Variants in SNX2 observed in about 807,000 individuals in gnomAD.
SNX2 encodes the protein sorting nexin 2.
Under a neutral mutation model 69.9 loss-of-function variants are expected in SNX2, and 25 were observed. The ratio of observed to expected loss-of-function variants is 0.36; its 90% CI spans 0.26 to 0.50. The LOEUF (loss-of-function observed/expected upper bound fraction) is 0.50. SNX2 is among the 20% of genes least tolerant of loss of function. The pLI is 0.97. For missense variants in SNX2, 551 were observed against 613.3 expected (o/e 0.90, Z 1.07); for synonymous variants, 229 against 200.4 (o/e 1.14, Z -1.20).
intron 12 of SNX2, chr5:122,826,704 G>C: frequency 1.1e-6 from 1 of 902,012 alleles, no homozygotes; most frequent in Non-Finnish European, 1.3e-6. Context: ...TGAAGAGTAT[G>C]TACCAGTGTT....
At chr5:122,819,343 C>T (rs1446734829) in intron 11 of SNX2, among the ~76,000 whole-genome samples, 1 of 152,184 alleles carries the variant, frequency 6.6e-6, no homozygotes, top group Admixed American at 6.5e-5. Context: ...TGAAACTACT[C>T]ACCGGACTCT....
chr5:122,801,819 ATAATT>A (rs1024178569), intron 3 of SNX2, 45 bp from the exon 4 acceptor site: 4 of 1,149,996 alleles, frequency 3.5e-6, no homozygotes, highest in South Asian at 1.4e-5. Context: ...TGTCATGACA[ATAATT>A]TAAATTATAA....
At position 122,833,586 on chromosome 5, in the gene SNX2, CAT is replaced by C. The variant is rs1754343945; in HGVS notation, c.*3939_*3940del. 1 of 152,186 alleles carries C rather than the reference CAT, an allele frequency of 6.6e-6. No homozygotes were observed. The highest frequency in any genetic ancestry group is 1.5e-5 in the Non-Finnish European group (1 of 68,028). 9.4% of individuals were successfully genotyped at this position (152,186 alleles called of 1,614,324 possible). A position where few individuals can be genotyped will look rare whatever the true frequency, so the allele number is the denominator to read the frequency against. ...CCGGCTACAATTTGATCAGTTGTCA[CAT>C]GTGGATGACTAGTGGCTATGATAAT... On this transcript the variant is annotated 3_prime_UTR_variant, in exon 15 of 15. Coordinates refer to ENST00000379516, the MANE Select transcript of SNX2 (RefSeq NM_003100.4).
At chr5:122,775,034 G>T, upstream of SNX2, 1 of 1,430,670 alleles carries the variant, frequency 7.0e-7, no homozygotes, top group Non-Finnish European at 9.3e-7. Context: ...GGTCGGCGCG[G>T]GCCCAGCCGT....
intron 5 of SNX2, 131 bp from the exon 6 acceptor site, chr5:122,803,341 C>T (rs1753558192): frequency 2.6e-6 from 2 of 770,776 alleles, no homozygotes; most frequent in South Asian, 2.7e-5. Context: ...AACCTATATA[C>T]CACATTAGTT....
At chr5:122,809,700 A>C (rs545993886) in intron 7 of SNX2, among the ~76,000 whole-genome samples, 1 of 152,130 alleles carries the variant, frequency 6.6e-6, no homozygotes, top group East Asian at 1.9e-4. Context: ...CTAGGTCACA[A>C]ATTTTTTTTT....
chr5:122,775,096 G>T lies in SNX2; in HGVS notation c.-8G>T. On this transcript the variant is annotated 5_prime_UTR_variant, in exon 1 of 15. Coordinates refer to ENST00000379516, the MANE Select transcript of SNX2 (RefSeq NM_003100.4). ...GCCCAGCTCGCGCAGTCGTTCGGGTGAGCGAAGATGGCGGCCGAGAGGGAA... is the reference window on the plus strand; with the variant it reads ...GCCCAGCTCGCGCAGTCGTTCGGGTTAGCGAAGATGGCGGCCGAGAGGGAA... The T allele has an allele frequency of 6.3e-7, 1 of 1,580,060 alleles. No individual in the cohort carries two copies.
intron 12 of SNX2, 61 bp from the exon 13 acceptor site, chr5:122,827,318 G>A: frequency 7.3e-7 from 1 of 1,361,384 alleles, no homozygotes. Context: ...TAAGTGAGTG[G>A]TCTTGACAGT....
At chr5:122,808,869 G>C (rs1427238821) in intron 7 of SNX2, among the ~76,000 whole-genome samples, 1 of 152,052 alleles carries the variant, frequency 6.6e-6, no homozygotes, top group Non-Finnish European at 1.5e-5. Context: ...TAACTTTTCT[G>C]ATGAGTTTTT....
In SNX2 at chr5:122,817,346, G is replaced by A; in HGVS notation, c.979G>A (p.Val327Ile). 1 of 1,613,888 alleles carries A rather than the reference G, an allele frequency of 6.2e-7. No homozygotes were observed. Among genetic ancestry groups the A allele is most frequent in the Non-Finnish European group, 8.5e-7 (1 of 1,179,886 alleles). The change falls in exon 10 of 15, where the codon GTT becomes ATT. Residue 327 changes from valine (V) to isoleucine (I), a missense_variant. This residue lies in a region of SNX2 where 360 missense variants were observed against 450.4 expected (regional missense o/e 0.80). Coordinates refer to ENST00000379516, the MANE Select transcript of SNX2 (RefSeq NM_003100.4). ...GCAACTTAGGAAACTTCATGTCAGT[G>A]TTGAAGCCTTGGTCTGTCATAGAAA... ...DQQLRKLHVS[V>I]EALVCHRKEL... is the part of the protein sequence containing the mutation.
rs1202945475 is a variant in SNX2 at position 122,833,345 on chromosome 5, A to G, written c.*3697A>G. The G allele has an allele frequency of 6.6e-6, 1 of 152,200 alleles. No individual in the cohort carries two copies. Among genetic ancestry groups the G allele is most frequent in the East Asian group, 1.9e-4 (1 of 5,200 alleles). 9.4% of individuals were successfully genotyped at this position (152,200 alleles called of 1,614,324 possible). A position where few individuals can be genotyped will look rare whatever the true frequency, so the allele number is the denominator to read the frequency against. The stretch of plus-strand genomic sequence containing the variant: ...TGGTAATCTATGGAGAAGGTCCTTA[A>G]GAGCATAGAACAATATAAATATAAT... On this transcript the variant is annotated 3_prime_UTR_variant, in exon 15 of 15. Transcript: ENST00000379516.
intron 14 of SNX2, 98 bp from the exon 15 acceptor site, chr5:122,829,500 C>A: frequency 1.1e-6 from 1 of 923,944 alleles, no homozygotes. Flanking sequence ...CTACCCAGCC[C>A]GGCTTATGTA....
chr5:122,794,731 A>C (rs1016365577), intron 1 of SNX2, among the ~76,000 whole-genome samples: 1 of 152,170 alleles, frequency 6.6e-6, no homozygotes, highest in African/African-American at 2.4e-5. Context: ...TGACTAGAAA[A>C]GGTTTTCTGG....
chr5:122,827,908 T>A, intron 14 of SNX2: 1 of 347,564 alleles, frequency 2.9e-6, no homozygotes, highest in Non-Finnish European at 5.2e-6. Flanking sequence ...TGGGCAACTT[T>A]CCCCTTTCAC....
intron 1 of SNX2, among the ~76,000 whole-genome samples, chr5:122,781,335 A>C (rs112439516): frequency 2.0e-5 from 3 of 152,282 alleles, no homozygotes; most frequent in Admixed American, 2.0e-4. Flanking sequence ...AGTTTGTTCT[A>C]TGTATCAATT....
intron 1 of SNX2, among the ~76,000 whole-genome samples, chr5:122,781,460 A>G (rs1315969088): frequency 6.6e-6 from 1 of 152,222 alleles, no homozygotes; most frequent in Non-Finnish European, 1.5e-5. Flanking sequence ...GAATAAAGCA[A>G]TATAAACATG....
At chr5:122,786,683 C>G (rs1753096136) in intron 1 of SNX2, among the ~76,000 whole-genome samples, 2 of 143,408 alleles carry the variant, frequency 1.4e-5, no homozygotes, top group Non-Finnish European at 3.0e-5. Flanking sequence ...AAAGTTAAGA[C>G]AGAATAAAAA....
At chr5:122,829,263 G>A (rs1754227295) in intron 14 of SNX2, among the ~76,000 whole-genome samples, 1 of 152,046 alleles carries the variant, frequency 6.6e-6, no homozygotes, top group Non-Finnish European at 1.5e-5. Flanking sequence ...GGAGTGCAGT[G>A]GTGTGATCTT....
At chr5:122,790,372 C>T (rs1463626338) in intron 1 of SNX2, among the ~76,000 whole-genome samples, 1 of 152,168 alleles carries the variant, frequency 6.6e-6, no homozygotes, top group Non-Finnish European at 1.5e-5. Context: ...CCACCCACCT[C>T]AGCCTCCCAA....
Sources: gnomAD v4.1 joint callset for allele counts (sites outside exome capture counted in the v4.1 genomes callset) on GRCh38, gnomAD v4.1.1 for gene constraint, gnomAD v4.1.1 regional missense constraint, MANE v1.5 for transcripts, NCBI Gene and HGNC (gene_info 2026-07-23, HGNC 2026-07-21) for gene names.